Variants in HPSE2 observed in about 807,000 individuals in gnomAD.
HPSE2 encodes heparanase 2 (inactive), also known as inactive heparanase-2.
Under a neutral mutation model 60.5 loss-of-function variants are expected in HPSE2, and 38 were observed. The ratio of observed to expected loss-of-function variants is 0.63; its 90% CI spans 0.48 to 0.82. The LOEUF (loss-of-function observed/expected upper bound fraction) is 0.82, where lower values mean the gene tolerates loss of function less well. Among genes scored for constraint, HPSE2 ranks in the 40% least tolerant of loss-of-function variants. The pLI is 0.00. For synonymous variants in HPSE2, 295 were observed against 293.2 expected (o/e 1.01, Z -0.06); for missense variants, 713 against 740.4 (o/e 0.96, Z 0.43).
chr10:98,483,475 T>C lies in HPSE2; in HGVS notation c.1467-693A>G, dbSNP rs200008661. ...CATGTGTATAAACTTTTTGATTATT[T>C]CTGATGGATAAAGTCCTAGACGTTG... On this transcript the variant is annotated intron_variant, in intron 10 of 11. Coordinates refer to ENST00000370552, the MANE Select transcript of HPSE2 (RefSeq NM_021828.5). 3.3e-5 allele frequency among the ~76,000 whole-genome samples: 5 copies of C among 152,352 alleles called. No homozygotes were observed. The East Asian group carries it at 9.6e-4, about 29-fold the overall frequency.
chr10:98,805,208 G>A (rs1408512785), intron 3 of HPSE2, among the ~76,000 whole-genome samples: 2 of 152,066 alleles, frequency 1.3e-5, no homozygotes, highest in Non-Finnish European at 2.9e-5. Context: ...TTCTATTACT[G>A]GAATGCTAAG....
chr10:98,485,724 A>G (rs557331783), intron 10 of HPSE2, among the ~76,000 whole-genome samples: 15 of 152,348 alleles, frequency 9.8e-5, no homozygotes, highest in African/African-American at 3.4e-4. Context: ...AGCAAAATAC[A>G]TGTGGATGGG....
At chr10:98,612,900 G>T (rs780363728) in intron 9 of HPSE2, among the ~76,000 whole-genome samples, 1 of 152,078 alleles carries the variant, frequency 6.6e-6, no homozygotes, top group Non-Finnish European at 1.5e-5. Flanking sequence ...TATGACTCCT[G>T]CCTACCTCAT....
At chr10:98,910,734 T>G (rs867065033) in intron 3 of HPSE2, among the ~76,000 whole-genome samples, 23 of 152,202 alleles carry the variant, frequency 1.5e-4, no homozygotes, top group African/African-American at 5.3e-4. Context: ...TCAGCATTAC[T>G]CAGAATAGAG....
intron 2 of HPSE2, among the ~76,000 whole-genome samples, chr10:99,184,303 T>C (rs1847887568): frequency 6.6e-6 from 1 of 151,986 alleles, no homozygotes; most frequent in Non-Finnish European, 1.5e-5. Flanking sequence ...GACAGGCAGA[T>C]CATTTGAGGT....
At chr10:99,056,142 C>T (rs1958108811) in intron 3 of HPSE2, among the ~76,000 whole-genome samples, 1 of 151,734 alleles carries the variant, frequency 6.6e-6, no homozygotes, top group Non-Finnish European at 1.5e-5. Context: ...ATCCTATAGA[C>T]ATTAAAAGAA....
intron 3 of HPSE2, among the ~76,000 whole-genome samples, chr10:99,113,333 A>G (rs1844547454): frequency 6.6e-6 from 1 of 152,206 alleles, no homozygotes; most frequent in South Asian, 2.1e-4. Context: ...GTTTAACCCC[A>G]AAGTTCCTGC....
chr10:99,286,572 C>T, the HPSE2 span, among the ~76,000 whole-genome samples: 2 of 152,036 alleles, frequency 1.3e-5, no homozygotes, highest in African/African-American at 4.8e-5. Flanking sequence ...TAGGTAAAGA[C>T]TTTCAGTATG....
chr10:99,314,794 A>G, the HPSE2 span, among the ~76,000 whole-genome samples: 12 of 152,200 alleles, frequency 7.9e-5, no homozygotes, highest in Admixed American at 7.9e-4. Flanking sequence ...AGGAAAAGTG[A>G]CCATTTCTTT....
rs1350230744 is a variant in HPSE2, at chr10:98,693,892, A to C, written c.1004+8T>G. 1.2e-6 allele frequency: 2 copies of C among 1,606,914 alleles called. No homozygotes were observed. The highest frequency in any genetic ancestry group is 3.3e-5 in the Admixed American group (2 of 59,998). Reference sequence around the variant, plus strand: ...TAATAAGTAAGAGCAAAAATGGTGAATACCTACTGTTGCCAGGTAACTGCA... The same window carrying C: ...TAATAAGTAAGAGCAAAAATGGTGACTACCTACTGTTGCCAGGTAACTGCA... On this transcript the variant is annotated splice_region_variant and intron_variant, in intron 6 of 11. Transcript: ENST00000370552.
chr10:99,258,402 T>C, the HPSE2 span, among the ~76,000 whole-genome samples: 4 of 151,862 alleles, frequency 2.6e-5, no homozygotes, highest in African/African-American at 9.7e-5. Context: ...TATATATATA[T>C]ATATATACTT....
At chr10:98,610,090 C>G (rs1432641937) in intron 9 of HPSE2, among the ~76,000 whole-genome samples, 1 of 152,136 alleles carries the variant, frequency 6.6e-6, no homozygotes, top group Non-Finnish European at 1.5e-5. Context: ...ATCCGCCCGC[C>G]TTGGCCTCCT....
the HPSE2 span, among the ~76,000 whole-genome samples, chr10:99,313,591 A>ATT: frequency 3.0e-5 from 2 of 66,016 alleles, no homozygotes; most frequent in African/African-American, 6.3e-5. Flanking sequence ...GACTGACTCC[A>ATT]ATTTTTTTTT....
At chr10:98,675,577 CAA>C (rs1491185197) in intron 6 of HPSE2, among the ~76,000 whole-genome samples, 39 of 150,580 alleles carry the variant, frequency 2.6e-4, no homozygotes, top group East Asian at 5.9e-4. Context: ...CACACACACA[CAA>C]TAACCAGCCA....
At chr10:98,653,430 CTTCTT>C (rs924342689) in intron 6 of HPSE2, among the ~76,000 whole-genome samples, 9 of 149,912 alleles carry the variant, frequency 6.0e-5, no homozygotes, top group Admixed American at 5.3e-4. Flanking sequence ...TTTTTAATCT[CTTCTT>C]TTTTTGTTTT....
At chr10:99,002,224 C>T (rs1322417842) in intron 3 of HPSE2, among the ~76,000 whole-genome samples, 1 of 152,008 alleles carries the variant, frequency 6.6e-6, no homozygotes, top group Non-Finnish European at 1.5e-5. Flanking sequence ...AGCAATTGAT[C>T]AATAAATGGG....
At chr10:99,224,420 G>GACACACACACAC (rs34148639) in intron 2 of HPSE2, among the ~76,000 whole-genome samples, 8 of 143,592 alleles carry the variant, frequency 5.6e-5, no homozygotes, top group African/African-American at 2.0e-4. Flanking sequence ...CTTTCTCTCT[G>GACACACACACAC]ACACACACAC....
intron 3 of HPSE2, among the ~76,000 whole-genome samples, chr10:98,916,055 A>T (rs75916636): frequency 0.095 from 14,471 of 152,156 alleles, 829 homozygotes; most frequent in South Asian, 0.21. Flanking sequence ...TTAAATCTAC[A>T]CTCAGAGCCA....
intron 2 of HPSE2, among the ~76,000 whole-genome samples, chr10:99,221,943 T>C (rs1392471654): frequency 6.6e-6 from 1 of 151,954 alleles, no homozygotes; most frequent in Non-Finnish European, 1.5e-5. Flanking sequence ...GAAAGGTTAA[T>C]AAGACAACAA....
Sources: allele counts gnomAD v4.1 joint callset (sites outside exome capture counted in the v4.1 genomes callset), GRCh38; gene constraint gnomAD v4.1.1; transcripts MANE v1.5; gene names NCBI Gene and HGNC (gene_info 2026-07-23, HGNC 2026-07-21).